The following ANO3 variants were observed in gnomAD, a reference collection of about 807,000 sequenced individuals.
ANO3 encodes anoctamin-3.
Under a neutral mutation model 144.8 loss-of-function variants are expected in ANO3, and 99 were observed. The observed-to-expected ratio is 0.68, with a 90% CI of 0.58 to 0.81. The LOEUF is 0.81. Among genes scored for constraint, ANO3 ranks in the 30% least tolerant of loss-of-function variants. ANO3 has a pLI of 0.00. For missense variants in ANO3, 905 were observed against 1,202.2 expected, an observed-to-expected ratio of 0.75 and a Z score of 3.66; for synonymous variants, 414 against 392.6, an observed-to-expected ratio of 1.05 and a Z score of -0.64.
At chr11:26,437,159 G>A (rs1476699480) in intron 1 of ANO3, among the ~76,000 whole-genome samples, 1 of 152,190 alleles carries the variant, frequency 6.6e-6, no homozygotes, top group Non-Finnish European at 1.5e-5. Flanking sequence ...TCACTGCTCA[G>A]CCCCCTGGAC....
chr11:26,309,585 C>G, upstream of ANO3: 2 of 819,378 alleles, frequency 2.4e-6, no homozygotes, highest in Non-Finnish European at 2.9e-6. Context: ...TTTCTACTCT[C>G]TTTCTGGTCT....
intron 4 of ANO3, among the ~76,000 whole-genome samples, chr11:26,503,661 A>C (rs556762472): frequency 1.3e-5 from 2 of 152,098 alleles, no homozygotes; most frequent in Admixed American, 6.5e-5. Flanking sequence ...TTAAAAATTC[A>C]TTTAGTAAGT....
At chr11:26,656,734 CT>C (rs1445943093) in intron 26 of ANO3, among the ~76,000 whole-genome samples, 1 of 152,072 alleles carries the variant, frequency 6.6e-6, no homozygotes, top group Non-Finnish European at 1.5e-5. Flanking sequence ...GAGCTGAAAA[CT>C]TTTGAGCCTC....
At chr11:26,447,206 CAAAA>C (rs11464160) in intron 3 of ANO3, among the ~76,000 whole-genome samples, 3 of 49,850 alleles carry the variant, frequency 6.0e-5, no homozygotes, top group African/African-American at 2.4e-4. Flanking sequence ...GACTCTGCCT[CAAAA>C]AAAAAAAAAA....
chr11:26,358,279 C>A (rs1855838258), intron 1 of ANO3, among the ~76,000 whole-genome samples: 1 of 147,214 alleles, frequency 6.8e-6, no homozygotes, highest in African/African-American at 2.5e-5. Context: ...TCAAGCGATT[C>A]TCCTGCCTCA....
At chr11:26,433,080 G>C (rs1283808611) in intron 1 of ANO3, among the ~76,000 whole-genome samples, 1 of 152,074 alleles carries the variant, frequency 6.6e-6, no homozygotes, top group Non-Finnish European at 1.5e-5. Context: ...ATTTTGAGCA[G>C]TGTTTGGTAA....
At chr11:26,283,801 T>C (rs904325525) in intron 1 of ANO3, among the ~76,000 whole-genome samples, 7 of 152,088 alleles carry the variant, frequency 4.6e-5, no homozygotes, top group African/African-American at 1.4e-4. Context: ...CCACCAAACA[T>C]ATAACTGCAA....
At chr11:26,197,863 A>C (rs2133909307) in intron 1 of ANO3, among the ~76,000 whole-genome samples, 1 of 152,122 alleles carries the variant, frequency 6.6e-6, no homozygotes, top group African/African-American at 2.4e-5. Context: ...AATGAATATA[A>C]CATTTTTCTT....
chr11:26,427,999 G>A (rs1857966602), intron 1 of ANO3, among the ~76,000 whole-genome samples: 1 of 152,106 alleles, frequency 6.6e-6, no homozygotes, highest in South Asian at 2.1e-4. Flanking sequence ...CCCATGACAC[G>A]TGGGGAATAT....
chr11:26,447,481 CTT>C (rs1000428366), intron 3 of ANO3, among the ~76,000 whole-genome samples: 1 of 152,116 alleles, frequency 6.6e-6, no homozygotes, highest in Non-Finnish European at 1.5e-5. Flanking sequence ...CTAACCTTCT[CTT>C]TTAATCACCA....
At chr11:26,223,749 G>T (rs1308773842) in intron 1 of ANO3, among the ~76,000 whole-genome samples, 1 of 151,810 alleles carries the variant, frequency 6.6e-6, no homozygotes, top group Non-Finnish European at 1.5e-5. Context: ...TTTACTCATG[G>T]CACAAAGTCA....
chr11:26,268,145 T>C (rs945249111), intron 1 of ANO3, among the ~76,000 whole-genome samples: 1 of 152,134 alleles, frequency 6.6e-6, no homozygotes, highest in Admixed American at 6.5e-5. Flanking sequence ...CAAATATAAA[T>C]GCATGAATAA....
chr11:26,283,321 AATATATATATATATATAT>A lies in ANO3; in HGVS notation c.155-26296_155-26279del, dbSNP rs58419788. On this transcript the variant is annotated intron_variant, in intron 1 of 27. Transcript: ENST00000672621. ...TCTTACCAAAATAAACAAATAAATA[AATATATATATATATATAT>A]ATATATATATATATATATATATATA... 1.0e-3 allele frequency among the ~76,000 whole-genome samples: 49 copies of A among 49,130 alleles called. 1 individual carries two copies. Among genetic ancestry groups the A allele is most frequent in the African/African-American group, 2.6e-3 (41 of 15,508 alleles). 32.2% of individuals were successfully genotyped at this position (49,130 alleles called of 152,430 possible).
chr11:26,658,777 T>G (rs1222954344), intron 26 of ANO3, among the ~76,000 whole-genome samples: 1 of 152,184 alleles, frequency 6.6e-6, no homozygotes, highest in Non-Finnish European at 1.5e-5. Flanking sequence ...TCTGATTATT[T>G]GCTTTTATAT....
At chr11:26,287,035 A>T (rs1853823537) in intron 1 of ANO3, among the ~76,000 whole-genome samples, 1 of 152,168 alleles carries the variant, frequency 6.6e-6, no homozygotes, top group Non-Finnish European at 1.5e-5. Flanking sequence ...TACCTGCCCA[A>T]TTATTGTGTC....
intron 1 of ANO3, among the ~76,000 whole-genome samples, chr11:26,360,343 C>T (rs1326015329): frequency 6.6e-6 from 1 of 152,048 alleles, no homozygotes; most frequent in South Asian, 2.1e-4. Flanking sequence ...TGTCTGTGGG[C>T]TGGGTCTGGT....
chr11:26,566,030 T>C, intron 14 of ANO3: 1 of 981,670 alleles, frequency 1.0e-6, no homozygotes. Flanking sequence ...ATTCCAAAAT[T>C]GCTTATTTTG....
At chr11:26,351,770 T>C (rs886887718) in intron 1 of ANO3, among the ~76,000 whole-genome samples, 1 of 152,216 alleles carries the variant, frequency 6.6e-6, no homozygotes, top group Admixed American at 6.5e-5. Flanking sequence ...ACACATCCAG[T>C]TAGGTTACAG....
chr11:26,274,648 A>T (rs966535754), intron 1 of ANO3, among the ~76,000 whole-genome samples: 3 of 152,164 alleles, frequency 2.0e-5, no homozygotes, highest in African/African-American at 7.2e-5. Flanking sequence ...ATTAATTCAT[A>T]AATCTAAAAT....
Sources: gnomAD v4.1 joint callset for allele counts (sites outside exome capture counted in the v4.1 genomes callset) on GRCh38, gnomAD v4.1.1 for gene constraint, MANE v1.5 for transcripts, NCBI Gene and HGNC (gene_info 2026-07-23, HGNC 2026-07-21) for gene names.